NFE2L1: variants seen among roughly 807,000 people sequenced by gnomAD.
NFE2L1 encodes NFE2 like bZIP transcription factor 1.
In NFE2L1, 18 loss-of-function variants were observed where a neutral mutation model predicts 61.6. That is an observed-to-expected ratio of 0.29 (90% CI 0.20 to 0.43). NFE2L1 has a LOEUF of 0.43. NFE2L1 is among the 20% of genes least tolerant of loss of function. The pLI, the probability that NFE2L1 is intolerant of heterozygous loss-of-function variation, is 1.00. For missense variants in NFE2L1, 827 were observed against 973.5 expected (o/e 0.85, Z 2.00); for synonymous variants, 419 against 402.7 (o/e 1.04, Z -0.48).
intron 2 of NFE2L1, 113 bp from the exon 3 acceptor site, chr17:48,056,273 G>T (rs769141380): frequency 6.0e-6 from 7 of 1,157,950 alleles, no homozygotes; most frequent in Non-Finnish European, 8.9e-6. Context: ...TGAAGAGCTG[G>T]GAGGGGCCCC....
intron 1 of NFE2L1, among the ~76,000 whole-genome samples, chr17:48,049,585 G>A (rs574760264): frequency 2.0e-5 from 3 of 152,248 alleles, no homozygotes; most frequent in African/African-American, 7.2e-5. Context: ...TTGAGATGGG[G>A]TTTCTCCATG....
rs2037535774 is a variant in NFE2L1, at chr17:48,060,959, CTT to C, written c.*1319_*1320del. 1 of 152,636 alleles carries C rather than the reference CTT, an allele frequency of 6.6e-6. No homozygotes were observed. Among genetic ancestry groups the C allele is most frequent in the South Asian group, 2.1e-4 (1 of 4,830 alleles). 9.5% of individuals were successfully genotyped at this position (152,636 alleles called of 1,614,324 possible). The stretch of plus-strand genomic sequence containing the variant: ...AAGACTCCGTGTAACTGTGTGAACA[CTT>C]GGGATTTTTCTCCTCTGTCCCGAGG... On this transcript the variant is annotated 3_prime_UTR_variant, in exon 6 of 6. Transcript: ENST00000362042.
Position 48,051,070 on chromosome 17 carries a change from T to C in NFE2L1, c.-49T>C. The stretch of plus-strand genomic sequence containing the variant: ...CAGAGCAGTGGCCTTGATTTGTCTT[T>C]TGGAAGATTTTAAAAACCAAAAAGC... On this transcript the variant is annotated 5_prime_UTR_variant, in exon 2 of 6. Coordinates refer to ENST00000362042, the MANE Select transcript of NFE2L1 (RefSeq NM_003204.3). The C allele has an allele frequency of 6.2e-7, 1 of 1,612,452 alleles. No individual in the cohort carries two copies. Among genetic ancestry groups the C allele is most frequent in the Non-Finnish European group, 8.5e-7 (1 of 1,179,370 alleles).
chr17:48,059,601 C>T lies in NFE2L1; in HGVS notation c.2279C>T (p.Ala760Val). ...CCCCGCACGATGGCCGACCAGCAGG[C>T]CCGGCGGCAGGAGAGGAAGCCAAAG... ...LIPRTMADQQ[A>V]RRQERKPKDR... is the part of the protein sequence containing the mutation. The change falls in exon 6 of 6, where the codon GCC becomes GTC. Residue 760 changes from alanine (A) to valine (V), a missense_variant. Coordinates refer to ENST00000362042, the MANE Select transcript of NFE2L1 (RefSeq NM_003204.3). This position sits in a 1 kb window ranked among gnomAD's most constrained non-coding sequence, Gnocchi z 6.1. The T allele has an allele frequency of 6.3e-7, 1 of 1,580,660 alleles. No homozygotes were observed. Among genetic ancestry groups the T allele is most frequent in the Non-Finnish European group, 8.6e-7 (1 of 1,161,454 alleles).
chr17:48,061,283 G>T lies in NFE2L1; in HGVS notation c.*1642G>T, dbSNP rs537160485. ...AGACAAGTGGGAGTGAAATGGGGGT[G>T]GGGGGAAGCACTGATTCCCAGTTAG... On this transcript the variant is annotated 3_prime_UTR_variant, in exon 6 of 6. Coordinates refer to ENST00000362042, the MANE Select transcript of NFE2L1 (RefSeq NM_003204.3). 6.6e-6 allele frequency: 1 copy of T among 152,318 alleles called. No homozygotes were observed. The highest frequency in any genetic ancestry group is 2.1e-4 in the South Asian group (1 of 4,828). The allele number at this position is 152,318 out of a possible 1,614,324, so 9.4% of individuals were successfully genotyped here. A position where few individuals can be genotyped will look rare whatever the true frequency, so the allele number is the denominator to read the frequency against.
In NFE2L1 at chr17:48,051,359, C is replaced by T. The variant is rs779086632; in HGVS notation, c.241C>T (p.Arg81Trp). The change falls in exon 2 of 6, where the codon CGG becomes TGG. Residue 81 changes from arginine (R) to tryptophan (W), a missense_variant. Coordinates refer to ENST00000362042, the MANE Select transcript of NFE2L1 (RefSeq NM_003204.3). ...AGACCTGGACAATTACTTCACTGCCCGGCGGCTCCTCAGTCAGGTGAGGGC... is the reference window on the plus strand; with the variant it reads ...AGACCTGGACAATTACTTCACTGCCTGGCGGCTCCTCAGTCAGGTGAGGGC... ...SIDLDNYFTA[R>W]RLLSQVRALD... is the part of the protein sequence containing the mutation. The T allele has an allele frequency of 2.4e-5, 39 of 1,614,030 alleles. No homozygotes were observed. The highest frequency in any genetic ancestry group is 8.3e-5 in the Admixed American group (5 of 60,000).
Position 48,058,368 on chromosome 17 carries a change from A to G in NFE2L1, c.1046A>G (p.Tyr349Cys), listed in dbSNP as rs369791442. 6 of 1,614,014 alleles carry G rather than the reference A, an allele frequency of 3.7e-6. No individual in the cohort carries two copies. The African/African-American group carries it at 6.7e-5, about 18-fold the overall frequency. ...CCTGGAGACCCACTGAGCACCAACT[A>G]CAGCCTTGCCCCCAACACTCCCATC... is the stretch of plus-strand genomic sequence containing the variant. ...APPGDPLSTNYSLAPNTPINQ... is the reference protein window; with the variant it reads ...APPGDPLSTNCSLAPNTPINQ... Residue 349 changes from tyrosine (Y) to cysteine (C), a missense_variant, in exon 6 of 6, where the codon TAC becomes TGC. By Grantham distance (194) the Tyr-to-Cys change is radical. This residue lies in a region of NFE2L1 where 667 missense variants were observed against 748.4 expected (regional missense o/e 0.89). Coordinates refer to ENST00000362042, the MANE Select transcript of NFE2L1 (RefSeq NM_003204.3).
chr17:48,056,418 G>A lies in NFE2L1; in HGVS notation c.543G>A (p.Gln181=), dbSNP rs911251827. The change falls in exon 3 of 6, where the codon CAG becomes CAA. Residue 181 remains glutamine, a synonymous_variant. Coordinates refer to ENST00000362042, the MANE Select transcript of NFE2L1 (RefSeq NM_003204.3). ...DIDLIDILWR[Q]DIDLGAGREV... is the part of the protein sequence containing the mutation. Reference sequence around the variant, plus strand: ...ATCTGATTGACATCCTTTGGCGACAGGATATTGATCTGGGGGCTGGGCGTG... The same window carrying A: ...ATCTGATTGACATCCTTTGGCGACAAGATATTGATCTGGGGGCTGGGCGTG... 58 of 1,614,208 alleles carry A rather than the reference G, an allele frequency of 3.6e-5. No individual in the cohort carries two copies. Among genetic ancestry groups the A allele is most frequent in the Non-Finnish European group, 4.8e-5 (57 of 1,180,026 alleles).
chr17:48,051,750 A>G, intron 2 of NFE2L1, 122 bp downstream of exon 2: 1 of 1,261,480 alleles, frequency 7.9e-7, no homozygotes. Flanking sequence ...GGCCTCAGGC[A>G]CTGTTCTTGG....
Position 48,059,353 on chromosome 17 carries a change from C to T in NFE2L1, c.2031C>T (p.Asp677=). ...AGAACTGCCGCAAGCGCAAGCTGGACACCATCCTGAATCTGGAGCGTGATG... is the reference window on the plus strand; with the variant it reads ...AGAACTGCCGCAAGCGCAAGCTGGATACCATCCTGAATCTGGAGCGTGATG... ...AAQNCRKRKL[D]TILNLERDVE... Residue 677 remains aspartate, a synonymous_variant, in exon 6 of 6, where the codon GAC becomes GAT. Coordinates refer to ENST00000362042, the MANE Select transcript of NFE2L1 (RefSeq NM_003204.3). The surrounding 1 kb of genome is among the most constrained non-coding windows in gnomAD (Gnocchi z 6.1). The T allele has an allele frequency of 2.5e-6, 4 of 1,614,230 alleles. No homozygotes were observed. The highest frequency in any genetic ancestry group is 3.4e-6 in the Non-Finnish European group (4 of 1,180,052).
In NFE2L1 at chr17:48,059,120, AAGG is replaced by A. The variant is rs2037482627; in HGVS notation, c.1801_1803del (p.Glu601del). 1 of 1,614,130 alleles carries A rather than the reference AAGG, an allele frequency of 6.2e-7. No homozygotes were observed. Among genetic ancestry groups the A allele is most frequent in the Middle Eastern group, 1.6e-4 (1 of 6,062 alleles). On this transcript the variant is annotated inframe_deletion, in exon 6 of 6. Coordinates refer to ENST00000362042, the MANE Select transcript of NFE2L1 (RefSeq NM_003204.3). This position sits in a 1 kb window ranked among gnomAD's most constrained non-coding sequence, Gnocchi z 6.1. ...ACCCAGTGCCCTCAAGAAAGGCAGC[AAGG>A]AGAAGCAGGCTGACTTCCTGGACAA...
chr17:48,056,363 A>C (rs1356070303), intron 2 of NFE2L1, 23 bp from the exon 3 acceptor site: 40 of 1,613,756 alleles, frequency 2.5e-5, no homozygotes, highest in Non-Finnish European at 3.3e-5. Context: ...CTTAGAGCTA[A>C]AGTCATGTGA....
chr17:48,056,631 T>G (rs1280511492), intron 3 of NFE2L1, 33 bp downstream of exon 3: 1 of 1,607,458 alleles, frequency 6.2e-7, no homozygotes, highest in East Asian at 2.2e-5. Flanking sequence ...GGCTCTCTTC[T>G]TGTCCCTACT....
At chr17:48,056,908 G>C (rs2037416476) in intron 3 of NFE2L1, 124 bp from the exon 4 acceptor site, 1 of 964,936 alleles carries the variant, frequency 1.0e-6, no homozygotes, top group East Asian at 2.6e-5. Context: ...TTTGGGACTC[G>C]GGGCCAGCCA....
Position 48,057,421 on chromosome 17 carries a change from G to A in NFE2L1, c.891G>A (p.Leu297=), listed in dbSNP as rs1227409418. The A allele has an allele frequency of 2.0e-5, 33 of 1,614,066 alleles. No homozygotes were observed. The highest frequency in any genetic ancestry group is 4.0e-5 in the African/African-American group (3 of 74,914). ...CCCCTGCTCTTCAAAACAACCTCTT[G>A]TCTCCTCTTCTGACCGGGACAGAGT... is the stretch of plus-strand genomic sequence containing the variant. ...SEPPALQNNL[L]SPLLTGTESP... The change falls in exon 5 of 6, where the codon TTG becomes TTA. Residue 297 remains leucine (L), a synonymous_variant. Transcript: ENST00000362042.
At position 48,061,500 on chromosome 17, in the gene NFE2L1, C is replaced by T. The variant is rs192458809; in HGVS notation, c.*1859C>T. 6.6e-6 allele frequency: 1 copy of T among 152,090 alleles called. No homozygotes were observed. 9.4% of individuals were successfully genotyped at this position (152,090 alleles called of 1,614,324 possible). A position where few individuals can be genotyped will look rare whatever the true frequency, so the allele number is the denominator to read the frequency against. On this transcript the variant is annotated 3_prime_UTR_variant, in exon 6 of 6. Coordinates refer to ENST00000362042, the MANE Select transcript of NFE2L1 (RefSeq NM_003204.3). ...GATTCATTCTTAAGTGCACTTTTTC[C>T]CCACTTTGAATTTAAATTGAGAATA...
chr17:48,059,415 G>A lies in NFE2L1; in HGVS notation c.2093G>A (p.Arg698Gln), dbSNP rs182192213. 60 of 1,614,158 alleles carry A rather than the reference G, an allele frequency of 3.7e-5. 1 individual carries two copies. In the East Asian group the frequency reaches 1.2e-3, roughly 34 times the overall value. The change falls in exon 6 of 6, where the codon CGG (arginine) becomes CAG (glutamine). Residue 698 changes from arginine (R) to glutamine (Q), a missense_variant. This residue lies in a region of NFE2L1 where 74 missense variants were observed against 127.8 expected (regional missense o/e 0.58). Coordinates refer to ENST00000362042, the MANE Select transcript of NFE2L1 (RefSeq NM_003204.3). This position sits in a 1 kb window ranked among gnomAD's most constrained non-coding sequence, Gnocchi z 6.1. The part of the protein sequence containing the change: ...DLQRDKARLL[R>Q]EKVEFLRSLR... ...CAGCGTGACAAAGCCCGGCTGCTGC[G>A]GGAGAAAGTGGAGTTCCTGCGCTCC...
At chr17:48,054,624 C>G in intron 2 of NFE2L1, 37 of 1,236,726 alleles carry the variant, frequency 3.0e-5, no homozygotes, top group Non-Finnish European at 3.6e-5. Context: ...GGATTGGCTC[C>G]CTGCTGCAGC....
chr17:48,055,599 G>C (rs1387477437), intron 2 of NFE2L1, among the ~76,000 whole-genome samples: 5 of 151,930 alleles, frequency 3.3e-5, no homozygotes, highest in Non-Finnish European at 5.9e-5. Context: ...GAGAGCACTG[G>C]TGTAGGGGAC....
Sources: allele counts gnomAD v4.1 joint callset (sites outside exome capture counted in the v4.1 genomes callset), GRCh38; gene constraint gnomAD v4.1.1; regional missense constraint gnomAD v4.1.1; non-coding constraint Gnocchi (gnomAD v3.1); transcripts MANE v1.5; gene names NCBI Gene and HGNC (gene_info 2026-07-23, HGNC 2026-07-21).